KCNT1: variants seen among roughly 807,000 people sequenced by gnomAD.
KCNT1 encodes potassium sodium-activated channel subfamily T member 1.
A neutral mutation model predicts 147.8 loss-of-function variants in KCNT1; 78 were observed. The ratio of observed to expected loss-of-function variants is 0.53; its 90% CI spans 0.44 to 0.64. The LOEUF is 0.64. KCNT1 is among the 30% of genes least tolerant of loss of function. KCNT1 has a pLI of 0.00. For missense variants in KCNT1, 1,419 were observed against 1,750.3 expected, an observed-to-expected ratio of 0.81 and a Z score of 3.38; for synonymous variants, 867 against 748.8, an observed-to-expected ratio of 1.16 and a Z score of -2.58.
intron 2 of KCNT1, among the ~76,000 whole-genome samples, chr9:135,731,290 A>T (rs548824595): frequency 1.7e-4 from 26 of 152,248 alleles, no homozygotes; most frequent in African/African-American, 5.5e-4. Flanking sequence ...TCGCGTTAGA[A>T]TCTCAGTCGC....
At chr9:135,777,301 C>T (rs779406946) in intron 20 of KCNT1, 37 bp from the exon 21 acceptor site, 3 of 1,575,586 alleles carry the variant, frequency 1.9e-6, no homozygotes, top group Non-Finnish European at 2.6e-6. Flanking sequence ...GGAACCACAG[C>T]CCTGACTCCA....
At position 135,770,964 on chromosome 9, in the gene KCNT1, A is replaced by G. The variant is rs139988185; in HGVS notation, c.1877A>G (p.Asn626Ser). 3 of 1,613,914 alleles carry G rather than the reference A, an allele frequency of 1.9e-6. No individual in the cohort carries two copies. The highest frequency in any genetic ancestry group is 2.5e-6 in the Non-Finnish European group (3 of 1,179,938). ...LAASDTCFYI[N>S]ITKEENSAFI... is the part of the protein sequence containing the mutation. Reference sequence around the variant, plus strand: ...GCCTCTGACACCTGCTTCTACATCAACATCACCAAGGAGGAGAACTCGGCC... The same window carrying G: ...GCCTCTGACACCTGCTTCTACATCAGCATCACCAAGGAGGAGAACTCGGCC... Residue 626 changes from asparagine to serine, a missense_variant, in exon 18 of 31, where the codon AAC (asparagine) becomes AGC (serine). Around this residue, in one of 5 missense-constraint regions of KCNT1, gnomAD observed 284 missense variants for 292.8 expected, o/e 0.97. Transcript: ENST00000371757.
chr9:135,794,184 G>A lies in KCNT1; in HGVS notation c.*2023G>A, dbSNP rs1481746709. On this transcript the variant is annotated 3_prime_UTR_variant, in exon 31 of 31. Transcript: ENST00000371757. ...CACTGGAAGAGCTGGCCTGCAGGAGGCACCATGGGGGAGTCGCATGACTTA... is the reference window on the plus strand; with the variant it reads ...CACTGGAAGAGCTGGCCTGCAGGAGACACCATGGGGGAGTCGCATGACTTA... 6.6e-6 allele frequency: 1 copy of A among 152,338 alleles called. No homozygotes were observed. Among genetic ancestry groups the A allele is most frequent in the Non-Finnish European group, 1.5e-5 (1 of 68,120 alleles). The allele number at this position is 152,338 out of a possible 1,614,324, so 9.4% of individuals were successfully genotyped here.
At chr9:135,719,352 A>G (rs2131338321) in intron 2 of KCNT1, among the ~76,000 whole-genome samples, 1 of 152,274 alleles carries the variant, frequency 6.6e-6, no homozygotes, top group East Asian at 1.9e-4. Context: ...GGTCCCAGGC[A>G]CCTTGTGCAG....
intron 29 of KCNT1, chr9:135,791,455 C>T (rs1295482974): frequency 1.0e-5 from 3 of 300,904 alleles, no homozygotes; most frequent in African/African-American, 4.3e-5. Context: ...TGTCTGCAGG[C>T]TGACGTACGT....
At chr9:135,743,673 G>C (rs561096275) in intron 2 of KCNT1, among the ~76,000 whole-genome samples, 2 of 152,350 alleles carry the variant, frequency 1.3e-5, no homozygotes, top group South Asian at 2.1e-4. Context: ...TCTCAGACCT[G>C]TGGAGGAAAT....
chr9:135,720,142 G>A (rs1465898916), intron 2 of KCNT1, among the ~76,000 whole-genome samples: 2 of 152,016 alleles, frequency 1.3e-5, no homozygotes, highest in Non-Finnish European at 2.9e-5. Flanking sequence ...GCAGAAGGAG[G>A]GGGCAGCCCA....
chr9:135,788,721 G>A (rs1283886680), intron 29 of KCNT1, among the ~76,000 whole-genome samples: 2 of 152,156 alleles, frequency 1.3e-5, no homozygotes, highest in South Asian at 2.1e-4. Flanking sequence ...GGTGACCTTC[G>A]TCCCCCAGCT....
In KCNT1 at chr9:135,777,325, C is replaced by CCCTGACTCCAGT. The variant is rs771809508; in HGVS notation, c.2350-13_2350-12insCCTGACTCCAGT. 1.2e-6 allele frequency: 2 copies of CCCTGACTCCAGT among 1,610,084 alleles called. No homozygotes were observed. Among genetic ancestry groups the CCCTGACTCCAGT allele is most frequent in the East Asian group, 4.5e-5 (2 of 44,864 alleles). On this transcript the variant is annotated splice_polypyrimidine_tract_variant and intron_variant, in intron 20 of 30. Transcript: ENST00000371757. Reference sequence around the variant, plus strand: ...GCCCTGACTCCAGCCCTGACTCCAGCATCTGCCCCCAGGGCTGCAAGCACA... The same window carrying CCCTGACTCCAGT: ...GCCCTGACTCCAGCCCTGACTCCAGCCCTGACTCCAGTATCTGCCCCCAGGGCTGCAAGCACA...
At chr9:135,769,001 G>A (rs1326242956) in intron 15 of KCNT1, 64 bp downstream of exon 15, 1 of 1,274,384 alleles carries the variant, frequency 7.8e-7, no homozygotes, top group East Asian at 2.4e-5. Context: ...ACACGTGGGT[G>A]ATGGTGCATC....
chr9:135,735,437 G>A lies in KCNT1; in HGVS notation c.255-14661G>A, dbSNP rs368926183. 3.3e-4 allele frequency among the ~76,000 whole-genome samples: 51 copies of A among 152,280 alleles called. No individual in the cohort carries two copies. The East Asian group carries it at 4.5e-3, about 13-fold the overall frequency. On this transcript the variant is annotated intron_variant, in intron 2 of 30. Coordinates refer to ENST00000371757, the MANE Select transcript of KCNT1 (RefSeq NM_020822.3). The stretch of plus-strand genomic sequence containing the variant: ...CTGTGCTGCCTGTCAGGGACCTGCC[G>A]CTGGAGTTTTACCCCCACCCCATCC...
Position 135,772,940 on chromosome 9 carries a change from C to T in KCNT1, c.2234C>T (p.Ser745Phe). The T allele has an allele frequency of 1.3e-6, 2 of 1,498,778 alleles. No individual in the cohort carries two copies. Among genetic ancestry groups the T allele is most frequent in the African/African-American group, 1.4e-5 (1 of 71,904 alleles). The allele number at this position is 1,498,778 out of a possible 1,614,324, so 92.8% of individuals were successfully genotyped here. A position where few individuals can be genotyped will look rare whatever the true frequency, so the allele number is the denominator to read the frequency against. Residue 745 changes from serine to phenylalanine, a missense_variant, in exon 19 of 31, where the codon TCC becomes TTC. Ser to Phe is a radical substitution (Grantham distance 155). Transcript: ENST00000371757. ...EVTPSDDEGL[S>F]VVEYVKGYPP... ...ACGCCGTCGGACGACGAGGGGCTCT[C>T]CGTGGTAGAGTGAGTGCTGCCTTGG...
intron 9 of KCNT1, among the ~76,000 whole-genome samples, chr9:135,757,637 G>C (rs1015160479): frequency 3.3e-5 from 5 of 152,220 alleles, no homozygotes; most frequent in African/African-American, 9.6e-5. Context: ...GCTGGCAGGA[G>C]GAGGAGGGAC....
Position 135,764,870 on chromosome 9 carries a change from A to G in KCNT1, c.1036-161A>G, listed in dbSNP as rs1832147902. Among the ~76,000 whole-genome samples the G allele has an allele frequency of 2.0e-5, 3 of 152,018 alleles. No individual in the cohort carries two copies. The South Asian group carries it at 6.2e-4, about 31-fold the overall frequency. On this transcript the variant is annotated intron_variant, in intron 11 of 30. Transcript: ENST00000371757. ...GTCATCTGAGGCTATCAGCATCTACAGTTTCCATGTGGGAAAGGCCCCCCT... is the reference window on the plus strand; with the variant it reads ...GTCATCTGAGGCTATCAGCATCTACGGTTTCCATGTGGGAAAGGCCCCCCT...
At chr9:135,786,574 G>GGGCCACAGCCAAGAACAGTC (rs1834070750) in intron 29 of KCNT1, 53 bp downstream of exon 29, 1 of 1,482,264 alleles carries the variant, frequency 6.7e-7, no homozygotes, top group Non-Finnish European at 9.0e-7. Context: ...GGCCAGGGTC[G>GGGCCACAGCCAAGAACAGTC]GGCCACAGCC....
At chr9:135,768,254 G>C (rs1433966089) in intron 13 of KCNT1, among the ~76,000 whole-genome samples, 3 of 33,866 alleles carry the variant, frequency 8.9e-5, no homozygotes, top group African/African-American at 1.5e-4. Context: ...GGGGGGGGGG[G>C]GGGCACTGGG....
rs931590595 is a variant in KCNT1 at position 135,765,856 on chromosome 9, A to AATGAGAGCC, written c.1337+105_1337+113dup. ...GGCATTGACCGTCGCTCTCCTGGCCAATGAGAGCCATGAGAGCATTATAGA... is the reference window on the plus strand; with the variant it reads ...GGCATTGACCGTCGCTCTCCTGGCCAATGAGAGCCATGAGAGCCATGAGAGCATTATAGA... On this transcript the variant is annotated intron_variant, in intron 13 of 30. Transcript: ENST00000371757. 12 of 1,172,030 alleles carry AATGAGAGCC rather than the reference A, an allele frequency of 1.0e-5. No individual in the cohort carries two copies. In the Admixed American group the frequency reaches 1.6e-4, roughly 15 times the overall value. 72.6% of individuals were successfully genotyped at this position (1,172,030 alleles called of 1,614,324 possible).
chr9:135,721,664 G>T (rs1835930715), intron 2 of KCNT1, among the ~76,000 whole-genome samples: 1 of 152,260 alleles, frequency 6.6e-6, no homozygotes, highest in Non-Finnish European at 1.5e-5. Context: ...AGCAGGAAAG[G>T]CCCGGGATGG....
At chr9:135,703,827 C>T (rs1564306378) in intron 1 of KCNT1, among the ~76,000 whole-genome samples, 1 of 152,212 alleles carries the variant, frequency 6.6e-6, no homozygotes, top group Non-Finnish European at 1.5e-5. Flanking sequence ...CCTCATCCTC[C>T]GGGTCCTTCC....
Sources: allele counts gnomAD v4.1 joint callset (sites outside exome capture counted in the v4.1 genomes callset), GRCh38; gene constraint gnomAD v4.1.1; regional missense constraint gnomAD v4.1.1; transcripts MANE v1.5; gene names NCBI Gene and HGNC (gene_info 2026-07-23, HGNC 2026-07-21).